LARP4B: variants seen among roughly 807,000 people sequenced by gnomAD.
The protein encoded by LARP4B is La ribonucleoprotein 4B.
In LARP4B, 12 loss-of-function variants were observed where a neutral mutation model predicts 89.8. The ratio of observed to expected loss-of-function variants is 0.13; its 90% confidence interval spans 0.09 to 0.22. The LOEUF (loss-of-function observed/expected upper bound fraction) is 0.22. Among genes scored for constraint, LARP4B ranks in the 10% least tolerant of loss-of-function variants. The pLI is 1.00. For synonymous variants in LARP4B, 367 were observed against 363.3 expected (o/e 1.01, Z -0.12); for missense variants, 757 against 947.7 (o/e 0.80, Z 2.64).
Position 810,244 on chromosome 10 carries a change from C to T in LARP4B, c.*2682G>A, listed in dbSNP as rs369673200. The stretch of plus-strand genomic sequence containing the variant: ...GACACAGCACAGTTGGCATGGACCG[C>T]CACAGCTTCCTATTATGATAACTCT... On this transcript the variant is annotated 3_prime_UTR_variant, in exon 18 of 18. Transcript: ENST00000316157. The T allele has an allele frequency of 5.3e-5, 8 of 152,170 alleles. No homozygotes were observed. The East Asian group carries it at 1.5e-3, about 29-fold the overall frequency. The allele number at this position is 152,170 out of a possible 1,614,324, so 9.4% of individuals were successfully genotyped here.
rs1831694627 is a variant in LARP4B at position 810,251 on chromosome 10, T to C, written c.*2675A>G. ...CACAGTTGGCATGGACCGCCACAGC[T>C]TCCTATTATGATAACTCTCATTTTC... On this transcript the variant is annotated 3_prime_UTR_variant, in exon 18 of 18. Transcript: ENST00000316157. The C allele has an allele frequency of 6.6e-6, 1 of 152,210 alleles. No homozygotes were observed. Among genetic ancestry groups the C allele is most frequent in the African/African-American group, 2.4e-5 (1 of 41,444 alleles). 9.4% of individuals were successfully genotyped at this position (152,210 alleles called of 1,614,324 possible).
At chr10:816,987 G>T (rs1351937580) in intron 15 of LARP4B, among the ~76,000 whole-genome samples, 1 of 152,168 alleles carries the variant, frequency 6.6e-6, no homozygotes, top group East Asian at 1.9e-4. Context: ...GTAACTCTGG[G>T]GCACAGCTGG....
chr10:829,519 G>A lies in LARP4B; in HGVS notation c.991C>T (p.Leu331=). The change falls in exon 11 of 18, where the codon CTG becomes TTG. Residue 331 remains leucine, a synonymous_variant. Coordinates refer to ENST00000316157, the MANE Select transcript of LARP4B (RefSeq NM_015155.3). ...KNGFRPLDVS[L]YAQQRYATSF... ...GTCGCGTAGCGCTGCTGGGCATACAGGCTCACGTCCAGGGGTCTAAATCCA... is the reference window on the plus strand; with the variant it reads ...GTCGCGTAGCGCTGCTGGGCATACAAGCTCACGTCCAGGGGTCTAAATCCA... 6.2e-7 allele frequency: 1 copy of A among 1,614,180 alleles called. No individual in the cohort carries two copies. Among genetic ancestry groups the A allele is most frequent in the Non-Finnish European group, 8.5e-7 (1 of 1,180,038 alleles).
chr10:923,307 T>G lies in LARP4B; in HGVS notation c.-40+8121A>C, dbSNP rs954305740. Among the ~76,000 whole-genome samples the G allele has an allele frequency of 1.2e-3, 189 of 152,304 alleles. 1 individual carries two copies. Among genetic ancestry groups the G allele is most frequent in the Non-Finnish European group, 3.8e-4 (26 of 68,026 alleles). ...GTCTACTTTTAAAGTCAGGACTGAATGGTTAAAGCAATGAACTAGAAATCC... is the reference window on the plus strand; with the variant it reads ...GTCTACTTTTAAAGTCAGGACTGAAGGGTTAAAGCAATGAACTAGAAATCC... On this transcript the variant is annotated intron_variant, in intron 1 of 17. Coordinates refer to ENST00000316157, the MANE Select transcript of LARP4B (RefSeq NM_015155.3).
chr10:980,684 C>T, the LARP4B span, among the ~76,000 whole-genome samples: 1 of 152,202 alleles, frequency 6.6e-6, no homozygotes, highest in African/African-American at 2.4e-5. Flanking sequence ...GCAATGGATA[C>T]CCTGGGCCTG....
chr10:887,754 T>C (rs1451565188), intron 1 of LARP4B, among the ~76,000 whole-genome samples: 1 of 149,742 alleles, frequency 6.7e-6, no homozygotes, highest in East Asian at 2.0e-4. Context: ...CAGGGTGCAG[T>C]GGCTCACACC....
At chr10:878,523 C>T (rs984576282) in intron 3 of LARP4B, among the ~76,000 whole-genome samples, 1 of 152,184 alleles carries the variant, frequency 6.6e-6, no homozygotes, top group East Asian at 1.9e-4. Flanking sequence ...GACATGTCTT[C>T]GAATTGCTGC....
chr10:984,519 C>T, the LARP4B span, among the ~76,000 whole-genome samples: 2 of 152,190 alleles, frequency 1.3e-5, no homozygotes, highest in Non-Finnish European at 2.9e-5. Context: ...ATCAGCAGCT[C>T]TGACGTGAGC....
At chr10:856,551 A>T (rs900953834) in intron 5 of LARP4B, among the ~76,000 whole-genome samples, 2 of 152,226 alleles carry the variant, frequency 1.3e-5, no homozygotes, top group Admixed American at 1.3e-4. Flanking sequence ...TGCAGGAACC[A>T]AGGCGAGGAC....
chr10:976,870 G>A, the LARP4B span, among the ~76,000 whole-genome samples: 1 of 151,476 alleles, frequency 6.6e-6, no homozygotes, highest in African/African-American at 2.4e-5. Context: ...TAGAAGGTAG[G>A]CCTGTTGTGC....
intron 5 of LARP4B, among the ~76,000 whole-genome samples, chr10:857,653 A>T (rs536703364): frequency 2.6e-3 from 401 of 152,296 alleles, no homozygotes; most frequent in Non-Finnish European, 4.3e-3. Flanking sequence ...GTTTGTCTTA[A>T]TAAGAGGTCC....
chr10:843,217 C>G (rs1345250204), intron 6 of LARP4B, 149 bp from the exon 7 acceptor site: 5 of 735,012 alleles, frequency 6.8e-6, no homozygotes, highest in Non-Finnish European at 1.1e-5. Flanking sequence ...TATTTGCTGT[C>G]TCTCCAGCCT....
At chr10:841,700 G>C (rs1221848841) in intron 7 of LARP4B, among the ~76,000 whole-genome samples, 1 of 152,204 alleles carries the variant, frequency 6.6e-6, no homozygotes, top group African/African-American at 2.4e-5. Flanking sequence ...GCCCAATTCA[G>C]CTGGCACAGA....
At chr10:889,170 AC>A (rs34913366) in intron 1 of LARP4B, among the ~76,000 whole-genome samples, 16,855 of 152,262 alleles carry the variant, frequency 0.11, 1,179 homozygotes, top group Non-Finnish European at 0.16. Flanking sequence ...GGGCAGGCTC[AC>A]TGAGCACTAT....
the LARP4B span, among the ~76,000 whole-genome samples, chr10:948,741 G>A: frequency 2.6e-5 from 4 of 152,336 alleles, no homozygotes; most frequent in Middle Eastern, 0.01. Context: ...TTCTATAAAT[G>A]GAATCTCATG....
At chr10:855,007 TAAC>T (rs1446365262) in intron 5 of LARP4B, among the ~76,000 whole-genome samples, 3 of 152,356 alleles carry the variant, frequency 2.0e-5, no homozygotes, top group African/African-American at 7.2e-5. Context: ...TTCTTTTCTT[TAAC>T]TTCATGAAAT....
intron 4 of LARP4B, 119 bp downstream of exon 4, chr10:864,004 C>A: frequency 6.5e-7 from 1 of 1,548,240 alleles, no homozygotes; most frequent in Non-Finnish European, 8.8e-7. Flanking sequence ...GGCTCTCAAG[C>A]ACTGCCACAT....
chr10:894,865 TC>T (rs751854170), intron 1 of LARP4B, among the ~76,000 whole-genome samples: 12 of 152,166 alleles, frequency 7.9e-5, no homozygotes, highest in Non-Finnish European at 1.6e-4. Context: ...CACTATAGTA[TC>T]CTCTCTACTT....
intron 14 of LARP4B, chr10:819,426 G>A (rs1166782423): frequency 6.6e-6 from 1 of 152,140 alleles, no homozygotes; most frequent in African/African-American, 2.4e-5. Context: ...CAGGTCCCAT[G>A]GGCGTGGTTA....
Sources: gnomAD v4.1 joint callset for allele counts (sites outside exome capture counted in the v4.1 genomes callset) on GRCh38, gnomAD v4.1.1 for gene constraint, MANE v1.5 for transcripts, NCBI Gene and HGNC (gene_info 2026-07-23, HGNC 2026-07-21) for gene names.